Variants in SMIM45 observed in about 807,000 individuals in gnomAD.
The protein encoded by SMIM45 is small integral membrane protein 45, also known as long intergenic non-protein coding RNA 634.
At chr22:41,955,588 C>T in the SMIM45 span, among the ~76,000 whole-genome samples, 1 of 152,004 alleles carries the variant, frequency 6.6e-6, no homozygotes, top group Non-Finnish European at 1.5e-5. Flanking sequence ...GGGCGGATCA[C>T]GAGGTCAGGA....
the SMIM45 span, among the ~76,000 whole-genome samples, chr22:41,952,746 A>G: frequency 6.6e-6 from 1 of 152,304 alleles, no homozygotes; most frequent in Non-Finnish European, 1.5e-5. Context: ...TTTTGTGCAC[A>G]GGGCTGGAGA....
the SMIM45 span, among the ~76,000 whole-genome samples, chr22:41,950,142 C>T: frequency 6.7e-6 from 1 of 149,528 alleles, no homozygotes; most frequent in African/African-American, 2.5e-5. Context: ...TTCCCATAAG[C>T]TTTTGTATGA....
chr22:41,947,569 A>G, the SMIM45 span, among the ~76,000 whole-genome samples: 3 of 151,364 alleles, frequency 2.0e-5, no homozygotes, highest in Admixed American at 2.0e-4. Context: ...GGTTTCTCCA[A>G]GTTGCCCAGG....
the SMIM45 span, among the ~76,000 whole-genome samples, chr22:41,953,658 A>T: frequency 1.3e-5 from 2 of 150,004 alleles, no homozygotes; most frequent in Non-Finnish European, 3.0e-5. Flanking sequence ...CCCCTTTCTT[A>T]TAACTAGGGA....
At chr22:41,958,324 C>T in the SMIM45 span, 1 of 456,566 alleles carries the variant, frequency 2.2e-6, no homozygotes, top group Non-Finnish European at 4.4e-6. Flanking sequence ...TTAGGCAGGT[C>T]GAAGCCAACC....
the SMIM45 span, among the ~76,000 whole-genome samples, chr22:41,954,976 C>G: frequency 6.6e-6 from 1 of 152,014 alleles, no homozygotes; most frequent in Admixed American, 6.6e-5. Flanking sequence ...TGCACTCCAG[C>G]CTGGGCAACA....
the SMIM45 span, among the ~76,000 whole-genome samples, chr22:41,953,158 T>C: frequency 6.6e-6 from 1 of 152,104 alleles, no homozygotes; most frequent in African/African-American, 2.4e-5. Flanking sequence ...GAACAGCCAG[T>C]GAGGACCTTT....
chr22:41,947,612 G>A, the SMIM45 span, among the ~76,000 whole-genome samples: 1 of 147,974 alleles, frequency 6.8e-6, no homozygotes, highest in East Asian at 2.0e-4. Context: ...AAGTGATCCC[G>A]CCTCGGCCTC....
the SMIM45 span, chr22:41,947,111 C>G: frequency 1.2e-6 from 2 of 1,607,560 alleles, no homozygotes; most frequent in East Asian, 2.2e-5. Flanking sequence ...TCCTGCGGTG[C>G]GCGCCGATCT....
chr22:41,947,807 A>G, the SMIM45 span, among the ~76,000 whole-genome samples: 12 of 150,962 alleles, frequency 7.9e-5, no homozygotes, highest in Non-Finnish European at 1.5e-4. Context: ...CTGGAACTAC[A>G]GGCAAGTGCC....
the SMIM45 span, among the ~76,000 whole-genome samples, chr22:41,956,167 GC>G: frequency 2.0e-5 from 3 of 152,080 alleles, no homozygotes; most frequent in South Asian, 6.2e-4. Flanking sequence ...GTGCCACCAT[GC>G]CCAGCTAATT....
the SMIM45 span, among the ~76,000 whole-genome samples, chr22:41,955,116 A>G: frequency 6.6e-6 from 1 of 152,162 alleles, no homozygotes; most frequent in Admixed American, 6.5e-5. Context: ...TGGAAATAAC[A>G]ATAGCTGATA....
At chr22:41,947,162 G>A in the SMIM45 span, 2 of 1,334,020 alleles carry the variant, frequency 1.5e-6, no homozygotes, top group Non-Finnish European at 1.1e-6. Context: ...CGCGGCCTGG[G>A]GGCACGTGCC....
chr22:41,951,324 G>T, the SMIM45 span, among the ~76,000 whole-genome samples: 1 of 152,094 alleles, frequency 6.6e-6, no homozygotes, highest in African/African-American at 2.4e-5. Context: ...TGCTTGGGAA[G>T]GTGGACCCCA....
At chr22:41,951,322 A>C in the SMIM45 span, among the ~76,000 whole-genome samples, 1 of 152,004 alleles carries the variant, frequency 6.6e-6, no homozygotes, top group African/African-American at 2.4e-5. Context: ...CATGCTTGGG[A>C]AGGTGGACCC....
At chr22:41,948,406 CA>C in the SMIM45 span, among the ~76,000 whole-genome samples, 1 of 152,122 alleles carries the variant, frequency 6.6e-6, no homozygotes, top group Non-Finnish European at 1.5e-5. Flanking sequence ...ACAATGATAA[CA>C]GTGTGTTCAT....
chr22:41,947,107 G>A, the SMIM45 span: 3 of 1,609,428 alleles, frequency 1.9e-6, no homozygotes, highest in East Asian at 2.2e-5. Flanking sequence ...TTGCTCCTGC[G>A]GTGCGCGCCG....
the SMIM45 span, among the ~76,000 whole-genome samples, chr22:41,947,651 G>A: frequency 3.4e-5 from 5 of 147,590 alleles, no homozygotes; most frequent in African/African-American, 1.3e-4. Context: ...TTACAGACGT[G>A]AGCCACCGTG....
At chr22:41,953,047 C>A in the SMIM45 span, among the ~76,000 whole-genome samples, 15 of 152,200 alleles carry the variant, frequency 9.9e-5, no homozygotes, top group African/African-American at 2.4e-5. Flanking sequence ...GGGTCCTACA[C>A]GCTCCCCTGC....
Sources: gnomAD v4.1 joint callset for allele counts (sites outside exome capture counted in the v4.1 genomes callset) on GRCh38, gnomAD v4.1.1 for gene constraint, MANE v1.5 for transcripts, NCBI Gene and HGNC (gene_info 2026-07-23, HGNC 2026-07-21) for gene names.